The following ZSCAN25 variants were observed in gnomAD, a reference collection of about 807,000 sequenced individuals.
ZSCAN25 encodes zinc finger and SCAN domain containing 25.
In ZSCAN25, 27 loss-of-function variants were observed where a neutral mutation model predicts 38.7. That is an observed-to-expected ratio of 0.70 (90% CI 0.51 to 0.96). The LOEUF (loss-of-function observed/expected upper bound fraction) is 0.96. ZSCAN25 is among the 40% of genes least tolerant of loss of function. The probability of loss-of-function intolerance (pLI) is 0.00; values close to 1 mark genes in which losing one functional copy is unlikely to be tolerated. For synonymous variants in ZSCAN25, 273 were observed against 277.7 expected (o/e 0.98, Z 0.17); for missense variants, 637 against 705.9 (o/e 0.90, Z 1.11).
At chr7:99,674,742 C>A in the ZSCAN25 span, among the ~76,000 whole-genome samples, 2 of 152,188 alleles carry the variant, frequency 1.3e-5, no homozygotes, top group Non-Finnish European at 2.9e-5. Context: ...AAGGGAAAGA[C>A]AAGAAAACAG....
intron 4 of ZSCAN25, 45 bp from the exon 5 acceptor site, chr7:99,621,327 GC>G: frequency 7.6e-7 from 1 of 1,313,432 alleles, no homozygotes; most frequent in African/African-American, 1.5e-5. Context: ...CTTCATAACA[GC>G]CTTGCCCAGG....
chr7:99,647,939 A>C, the ZSCAN25 span: 1 of 983,780 alleles, frequency 1.0e-6, no homozygotes, highest in Non-Finnish European at 1.2e-6. Flanking sequence ...TATTAGAGTC[A>C]TCATGATAAT....
chr7:99,625,711 G>T (rs1350425314), intron 7 of ZSCAN25, among the ~76,000 whole-genome samples: 4 of 152,088 alleles, frequency 2.6e-5, no homozygotes, highest in Admixed American at 6.5e-5. Context: ...TGCTGTGTGG[G>T]GTGAGGAGCC....
the ZSCAN25 span, chr7:99,685,164 C>T: frequency 4.1e-4 from 659 of 1,611,104 alleles, 2 homozygotes; most frequent in African/African-American, 7.9e-3. Context: ...CGGTCCCATC[C>T]CTTGACTCAA....
In ZSCAN25 at chr7:99,629,602, G is replaced by A; in HGVS notation, c.1217G>A (p.Ser406Asn). The A allele has an allele frequency of 6.2e-7, 1 of 1,614,150 alleles. No homozygotes were observed. Among genetic ancestry groups the A allele is most frequent in the South Asian group, 1.1e-5 (1 of 91,090 alleles). ...THLGKRPYVC[S>N]ECWKTFSQRH... ...CTGGGAAAGAGGCCCTACGTGTGCA[G>A]CGAGTGCTGGAAAACCTTCAGCCAG... Residue 406 changes from serine to asparagine, a missense_variant, in exon 8 of 8, where the codon AGC becomes AAC. Transcript: ENST00000394152. This position sits in a 1 kb window ranked among gnomAD's most constrained non-coding sequence, Gnocchi z 5.6.
At chr7:99,708,021 T>C in the ZSCAN25 span, 21 of 1,612,958 alleles carry the variant, frequency 1.3e-5, 1 homozygote, top group East Asian at 1.1e-4. Context: ...ACATAATACC[T>C]CTAAGAGTTA....
the ZSCAN25 span, chr7:99,671,433 G>C: frequency 5.1e-6 from 1 of 194,354 alleles, no homozygotes; most frequent in African/African-American, 2.4e-5. Context: ...GGTATTAGTG[G>C]AGGAGTAAAC....
the ZSCAN25 span, among the ~76,000 whole-genome samples, chr7:99,686,943 C>A: frequency 6.6e-6 from 1 of 152,212 alleles, no homozygotes; most frequent in African/African-American, 2.4e-5. Context: ...CTAGCAAACT[C>A]CAACAGACCT....
At chr7:99,735,154 T>C in the ZSCAN25 span, 1 of 1,599,612 alleles carries the variant, frequency 6.3e-7, no homozygotes, top group Non-Finnish European at 8.6e-7. Flanking sequence ...TGCTGCTGTT[T>C]GCTGGGCTGT....
the ZSCAN25 span, chr7:99,652,780 CT>C: frequency 5.0e-6 from 8 of 1,611,382 alleles, no homozygotes; most frequent in African/African-American, 9.4e-5. Context: ...TAGGTGGTGC[CT>C]GGAAGGAAAG....
At position 99,632,401 on chromosome 7, in the gene ZSCAN25, C is replaced by T. The variant is rs537620609; in HGVS notation, c.*2381C>T. 4.4e-5 allele frequency: 19 copies of T among 433,522 alleles called. No homozygotes were observed. Among genetic ancestry groups the T allele is most frequent in the Non-Finnish European group, 5.8e-5 (19 of 326,008 alleles). The allele number at this position is 433,522 out of a possible 1,614,324, so 26.9% of individuals were successfully genotyped here. A position where few individuals can be genotyped will look rare whatever the true frequency, so the allele number is the denominator to read the frequency against. Reference sequence around the variant, plus strand: ...TTTGACTTTATTATAAACTCATAATCAATCTTGTTTCATCTCTGTCCACTC... The same window carrying T: ...TTTGACTTTATTATAAACTCATAATTAATCTTGTTTCATCTCTGTCCACTC... On this transcript the variant is annotated 3_prime_UTR_variant, in exon 8 of 8. Coordinates refer to ENST00000394152, the MANE Select transcript of ZSCAN25 (RefSeq NM_145115.3).
the ZSCAN25 span, chr7:99,676,054 G>A: frequency 1.4e-6 from 2 of 1,461,140 alleles, no homozygotes; most frequent in Non-Finnish European, 1.9e-6. Flanking sequence ...CATTTTTACT[G>A]ATGGAACTAA....
chr7:99,702,976 A>C, the ZSCAN25 span, among the ~76,000 whole-genome samples: 1 of 152,072 alleles, frequency 6.6e-6, no homozygotes, highest in Non-Finnish European at 1.5e-5. Flanking sequence ...GATTAAGTTA[A>C]TTCTTAGGTA....
At chr7:99,638,357 C>T in the ZSCAN25 span, 16 of 1,602,836 alleles carry the variant, frequency 1.0e-5, no homozygotes, top group Admixed American at 6.7e-5. Context: ...GGCCCAGTTT[C>T]TCCTGGATCT....
the ZSCAN25 span, chr7:99,676,560 A>T: frequency 6.6e-6 from 9 of 1,357,646 alleles, no homozygotes; most frequent in South Asian, 6.8e-5. Context: ...CTCTTCGCTG[A>T]TTTGGGGACT....
the ZSCAN25 span, chr7:99,667,109 AT>A: frequency 6.4e-7 from 1 of 1,557,296 alleles, no homozygotes; most frequent in Non-Finnish European, 8.8e-7. Context: ...AGTTGTGGTG[AT>A]CTTCATGGTT....
chr7:99,651,243 A>G, the ZSCAN25 span, among the ~76,000 whole-genome samples: 4 of 152,206 alleles, frequency 2.6e-5, no homozygotes, highest in Admixed American at 2.0e-4. Context: ...GTATATGTCA[A>G]ACATTCTCTA....
At chr7:99,681,082 A>G in the ZSCAN25 span, among the ~76,000 whole-genome samples, 1 of 152,198 alleles carries the variant, frequency 6.6e-6, no homozygotes, top group Non-Finnish European at 1.5e-5. Flanking sequence ...GGCTTATTTC[A>G]CTTAACATGA....
At chr7:99,649,998 A>T in the ZSCAN25 span, 6 of 1,519,710 alleles carry the variant, frequency 3.9e-6, no homozygotes, top group Non-Finnish European at 5.4e-6. Context: ...AAAGATAAAC[A>T]TGCATATTCT....
Sources: allele counts gnomAD v4.1 joint callset (sites outside exome capture counted in the v4.1 genomes callset), GRCh38; gene constraint gnomAD v4.1.1; non-coding constraint Gnocchi (gnomAD v3.1); transcripts MANE v1.5; gene names NCBI Gene and HGNC (gene_info 2026-07-23, HGNC 2026-07-21).